The following MTHFD1L variants were observed in gnomAD, a reference collection of about 807,000 sequenced individuals.
The protein encoded by MTHFD1L is monofunctional C1-tetrahydrofolate synthase, mitochondrial.
A neutral mutation model predicts 119.5 loss-of-function variants in MTHFD1L; 81 were observed. That is an observed-to-expected ratio of 0.68 (90% CI 0.57 to 0.82). The LOEUF (loss-of-function observed/expected upper bound fraction) is 0.82, where lower values mean the gene tolerates loss of function less well. Ranked by LOEUF, MTHFD1L falls within the 40% of genes least tolerant of loss-of-function variation. The pLI is 0.00. For synonymous variants in MTHFD1L, 430 were observed against 475.2 expected, an observed-to-expected ratio of 0.90 and a Z score of 1.24; for missense variants, 1,125 against 1,253.4, an observed-to-expected ratio of 0.90 and a Z score of 1.55.
chr6:150,959,316 G>A (rs1620050), intron 17 of MTHFD1L: 150,661 of 547,104 alleles, frequency 0.28, 21,683 homozygotes, highest in East Asian at 0.48. Flanking sequence ...CTCTCTCTGC[G>A]TAAGCTTGAA....
chr6:150,954,801 G>C (rs187786130), intron 16 of MTHFD1L, among the ~76,000 whole-genome samples: 1 of 151,820 alleles, frequency 6.6e-6, no homozygotes. Flanking sequence ...ATTCTTTGTA[G>C]AGACAAGGTC....
intron 20 of MTHFD1L, among the ~76,000 whole-genome samples, chr6:150,993,670 T>C (rs1189151286): frequency 1.3e-5 from 2 of 152,112 alleles, no homozygotes; most frequent in Admixed American, 6.6e-5. Context: ...TTCCTGCACA[T>C]AGATCTTGTG....
At chr6:150,945,895 C>T (rs1291580352) in intron 15 of MTHFD1L, among the ~76,000 whole-genome samples, 2 of 152,054 alleles carry the variant, frequency 1.3e-5, no homozygotes, top group East Asian at 3.9e-4. Flanking sequence ...ACTCATGATG[C>T]TGATGTGAGA....
chr6:150,875,941 AC>A, intron 1 of MTHFD1L, 148 bp from the exon 2 acceptor site: 4 of 610,380 alleles, frequency 6.6e-6, no homozygotes, highest in Non-Finnish European at 1.2e-5. Context: ...TACGCCGCCT[AC>A]CCCCTCCACA....
intron 17 of MTHFD1L, among the ~76,000 whole-genome samples, chr6:150,959,857 G>A (rs1160370763): frequency 2.0e-5 from 3 of 152,212 alleles, no homozygotes; most frequent in Non-Finnish European, 4.4e-5. Flanking sequence ...GGATTCAGAA[G>A]TGAACCTGCC....
chr6:150,910,338 C>T (rs1422116263), intron 8 of MTHFD1L, among the ~76,000 whole-genome samples: 6 of 151,388 alleles, frequency 4.0e-5, no homozygotes, highest in South Asian at 4.2e-4. Flanking sequence ...CTGAGGCAGG[C>T]GGATCACCTG....
chr6:151,040,100 C>G (rs1584269390), intron 26 of MTHFD1L, among the ~76,000 whole-genome samples: 2 of 152,066 alleles, frequency 1.3e-5, no homozygotes, highest in African/African-American at 4.8e-5. Context: ...TGAGGGGTGA[C>G]GGAGGTGCCC....
At chr6:150,970,994 T>G (rs1216979056) in intron 19 of MTHFD1L, among the ~76,000 whole-genome samples, 1 of 152,188 alleles carries the variant, frequency 6.6e-6, no homozygotes, top group African/African-American at 2.4e-5. Context: ...CTTCGTGCTC[T>G]CAACATTATC....
chr6:150,922,301 A>G lies in MTHFD1L; in HGVS notation c.1081A>G (p.Ser361Gly). The G allele has an allele frequency of 1.9e-6, 3 of 1,613,356 alleles. No individual in the cohort carries two copies. The highest frequency in any genetic ancestry group is 2.5e-6 in the Non-Finnish European group (3 of 1,179,334). Residue 361 changes from serine to glycine, a missense_variant and splice_region_variant, in exon 10 of 28, where the codon AGT becomes GGT. Transcript: ENST00000367321. The part of the protein sequence containing the change: ...LKLQPLSPVP[S>G]DIEISRGQTP... ...ACTTCAGCCTCTCTCCCCTGTGCCA[A>G]GGTAACACTGGTGTTTTATTTACAC... is the stretch of plus-strand genomic sequence containing the variant.
At chr6:150,894,384 G>A (rs558931639) in intron 7 of MTHFD1L, among the ~76,000 whole-genome samples, 3 of 152,292 alleles carry the variant, frequency 2.0e-5, no homozygotes, top group South Asian at 2.1e-4. Flanking sequence ...CTCTGTCTGT[G>A]AGGTCTCCCA....
chr6:151,042,067 G>A (rs955741080), intron 26 of MTHFD1L: 3 of 335,092 alleles, frequency 9.0e-6, no homozygotes, highest in South Asian at 2.5e-5. Context: ...ATTAACTGGT[G>A]TAACAGCTTC....
chr6:150,923,265 T>C (rs1339131158), intron 10 of MTHFD1L, among the ~76,000 whole-genome samples: 2 of 152,230 alleles, frequency 1.3e-5, no homozygotes, highest in Admixed American at 6.5e-5. Flanking sequence ...TTTGGAAATA[T>C]AAACTGTAGG....
At chr6:151,064,493 T>C (rs1326056907) in intron 26 of MTHFD1L, among the ~76,000 whole-genome samples, 5 of 152,234 alleles carry the variant, frequency 3.3e-5, no homozygotes, top group Admixed American at 3.3e-4. Flanking sequence ...TTTTGTATTT[T>C]TAGTAGAGAC....
At chr6:150,949,189 G>A in intron 16 of MTHFD1L, 56 bp downstream of exon 16, 1 of 1,415,520 alleles carries the variant, frequency 7.1e-7, no homozygotes, top group Non-Finnish European at 1.0e-6. Flanking sequence ...GCGTGTTCGA[G>A]CCGAAGCGCT....
intron 26 of MTHFD1L, among the ~76,000 whole-genome samples, chr6:151,047,278 T>C (rs749252675): frequency 2.2e-4 from 34 of 152,236 alleles, no homozygotes; most frequent in Non-Finnish European, 1.8e-4. Flanking sequence ...TTACCGTATA[T>C]GAAAATATTT....
At chr6:150,952,144 C>T (rs1295035831) in intron 16 of MTHFD1L, among the ~76,000 whole-genome samples, 3 of 152,090 alleles carry the variant, frequency 2.0e-5, no homozygotes, top group Non-Finnish European at 4.4e-5. Context: ...GACAACTTTA[C>T]AAAATTCTTC....
chr6:150,991,262 C>CAAA (rs531613189), intron 20 of MTHFD1L, among the ~76,000 whole-genome samples: 1 of 130,068 alleles, frequency 7.7e-6, no homozygotes, highest in African/African-American at 2.8e-5. Flanking sequence ...CAGGAAAAAG[C>CAAA]AAAAAAAAAA....
At chr6:151,077,501 A>C (rs1327170103) in intron 26 of MTHFD1L, among the ~76,000 whole-genome samples, 1 of 151,966 alleles carries the variant, frequency 6.6e-6, no homozygotes, top group Non-Finnish European at 1.5e-5. Context: ...AAATTAGCTT[A>C]TTTCTTAAAA....
At position 150,915,258 on chromosome 6, in the gene MTHFD1L, T is replaced by C. The variant is rs376442250; in HGVS notation, c.893-3319T>C. 1.1e-4 allele frequency among the ~76,000 whole-genome samples: 16 copies of C among 151,934 alleles called. 1 individual carries two copies. In the East Asian group the frequency reaches 1.2e-3, roughly 11 times the overall value. On this transcript the variant is annotated intron_variant, in intron 8 of 27. Transcript: ENST00000367321. ...TAAAACACGAAATTTTTTTTGCAATTTTTTTTTTCCTTAGCTCATCAGCTA... is the reference window on the plus strand; with the variant it reads ...TAAAACACGAAATTTTTTTTGCAATCTTTTTTTTCCTTAGCTCATCAGCTA...
Sources: allele counts gnomAD v4.1 joint callset (sites outside exome capture counted in the v4.1 genomes callset), GRCh38; gene constraint gnomAD v4.1.1; transcripts MANE v1.5; gene names NCBI Gene and HGNC (gene_info 2026-07-23, HGNC 2026-07-21).